The following MCTP1 variants were observed in gnomAD, a reference collection of about 807,000 sequenced individuals.
The protein encoded by MCTP1 is multiple C2 and transmembrane domain-containing protein 1.
Under a neutral mutation model 120.6 loss-of-function variants are expected in MCTP1, and 69 were observed. The ratio of observed to expected loss-of-function variants is 0.57; its 90% CI spans 0.47 to 0.70. The LOEUF (loss-of-function observed/expected upper bound fraction) is 0.70. Among genes scored for constraint, MCTP1 ranks in the 30% least tolerant of loss-of-function variants. MCTP1 has a pLI of 0.00. For missense variants in MCTP1, 1,203 were observed against 1,248.8 expected (o/e 0.96, Z 0.55); for synonymous variants, 529 against 493.1 (o/e 1.07, Z -0.96).
intron 19 of MCTP1, among the ~76,000 whole-genome samples, chr5:94,768,646 C>T (rs774912258): frequency 1.3e-5 from 2 of 152,064 alleles, no homozygotes; most frequent in African/African-American, 2.4e-5. Flanking sequence ...TGCTCAATAT[C>T]ACTAAATACT....
intron 1 of MCTP1, among the ~76,000 whole-genome samples, chr5:95,168,360 G>C (rs1360741293): frequency 8.5e-5 from 13 of 152,166 alleles, no homozygotes; most frequent in Non-Finnish European, 1.8e-4. Flanking sequence ...TTTGGCTTAG[G>C]ATTGACTTGG....
At chr5:94,974,008 T>C (rs1827491963) in intron 2 of MCTP1, among the ~76,000 whole-genome samples, 1 of 152,084 alleles carries the variant, frequency 6.6e-6, no homozygotes, top group Non-Finnish European at 1.5e-5. Flanking sequence ...ATCAAGTACT[T>C]AGCACAGTTC....
At chr5:94,797,025 A>G (rs138751876) in intron 18 of MCTP1, among the ~76,000 whole-genome samples, 5 of 152,216 alleles carry the variant, frequency 3.3e-5, no homozygotes, top group African/African-American at 1.2e-4. Context: ...GTTAGAGGAG[A>G]TGTACTAAAA....
At chr5:94,958,278 G>C (rs1404232872) in intron 2 of MCTP1, among the ~76,000 whole-genome samples, 3 of 152,156 alleles carry the variant, frequency 2.0e-5, no homozygotes, top group Non-Finnish European at 4.4e-5. Context: ...AGTGTGTAGA[G>C]GGAAATTTAT....
intron 17 of MCTP1, chr5:94,826,433 A>G (rs753430881): frequency 1.8e-5 from 12 of 668,672 alleles, no homozygotes; most frequent in Non-Finnish European, 2.5e-5. Context: ...ACAAATGCCA[A>G]TTTGGGTTCT....
chr5:95,131,306 C>G (rs1380249726), intron 1 of MCTP1, among the ~76,000 whole-genome samples: 1 of 152,164 alleles, frequency 6.6e-6, no homozygotes, highest in Non-Finnish European at 1.5e-5. Context: ...GGGAGAAACA[C>G]ATTTGTTAAT....
intron 19 of MCTP1, among the ~76,000 whole-genome samples, chr5:94,777,921 A>AGTGTGT (rs1460355421): frequency 9.7e-5 from 8 of 82,256 alleles, no homozygotes; most frequent in African/African-American, 4.6e-4. Flanking sequence ...GAAGGGAGAA[A>AGTGTGT]GTGTGCGTGT....
At chr5:95,176,322 C>T (rs749100283) in intron 1 of MCTP1, among the ~76,000 whole-genome samples, 18 of 152,080 alleles carry the variant, frequency 1.2e-4, no homozygotes, top group East Asian at 5.8e-4. Flanking sequence ...CCGAGGAGTT[C>T]GAGACTAGCC....
chr5:94,832,374 C>T (rs537462579), intron 17 of MCTP1, among the ~76,000 whole-genome samples: 9 of 152,194 alleles, frequency 5.9e-5, no homozygotes, highest in East Asian at 3.9e-4. Flanking sequence ...AGGTAATCAC[C>T]GCACCTTCCC....
chr5:95,176,104 A>G (rs1247949740), intron 1 of MCTP1, among the ~76,000 whole-genome samples: 6 of 152,178 alleles, frequency 3.9e-5, no homozygotes, highest in African/African-American at 7.2e-5. Context: ...GAGAAAATCA[A>G]ATGAGCTACT....
intron 18 of MCTP1, among the ~76,000 whole-genome samples, chr5:94,796,510 C>T (rs1487606869): frequency 1.3e-5 from 2 of 149,010 alleles, no homozygotes; most frequent in East Asian, 2.0e-4. Context: ...GTCAATGCAT[C>T]GCAGCATGGC....
At chr5:94,898,041 T>C (rs547528740) in intron 10 of MCTP1, among the ~76,000 whole-genome samples, 1 of 152,338 alleles carries the variant, frequency 6.6e-6, no homozygotes, top group East Asian at 1.9e-4. Context: ...ACTATGAAAC[T>C]AATAAATTTA....
chr5:95,158,902 T>C (rs995190129), intron 1 of MCTP1, among the ~76,000 whole-genome samples: 1 of 152,086 alleles, frequency 6.6e-6, no homozygotes, highest in Admixed American at 6.6e-5. Flanking sequence ...GCCTGGGTGA[T>C]AGATCCAGAC....
At chr5:94,805,082 C>A (rs921848960) in intron 17 of MCTP1, among the ~76,000 whole-genome samples, 1 of 152,052 alleles carries the variant, frequency 6.6e-6, no homozygotes. Context: ...TCTTATTATG[C>A]CCCTATATAT....
At chr5:95,028,572 T>G (rs758601488) in intron 1 of MCTP1, among the ~76,000 whole-genome samples, 1 of 152,208 alleles carries the variant, frequency 6.6e-6, no homozygotes, top group Non-Finnish European at 1.5e-5. Flanking sequence ...CTGCTCTGTG[T>G]GGCATTGCTT....
intron 1 of MCTP1, among the ~76,000 whole-genome samples, chr5:95,271,308 C>T (rs913175897): frequency 6.6e-6 from 1 of 152,188 alleles, no homozygotes; most frequent in African/African-American, 2.4e-5. Flanking sequence ...ACTAGGCAGC[C>T]ACCCACGACA....
At chr5:95,251,179 G>C (rs1757349032) in intron 1 of MCTP1, among the ~76,000 whole-genome samples, 1 of 151,956 alleles carries the variant, frequency 6.6e-6, no homozygotes, top group South Asian at 2.1e-4. Context: ...CTATGAGAAG[G>C]GGTTACTTTA....
intron 1 of MCTP1, among the ~76,000 whole-genome samples, chr5:95,149,842 G>A (rs907280058): frequency 9.7e-5 from 12 of 123,556 alleles, no homozygotes; most frequent in Non-Finnish European, 1.8e-4. Context: ...CCTATTCCCA[G>A]GATTGTGCAG....
chr5:94,704,151 G>T lies in MCTP1; in HGVS notation c.*3345C>A, dbSNP rs1442286532. 1.4e-5 allele frequency: 2 copies of T among 147,914 alleles called. No individual in the cohort carries two copies. Among genetic ancestry groups the T allele is most frequent in the Non-Finnish European group, 3.0e-5 (2 of 66,660 alleles). The allele number at this position is 147,914 out of a possible 1,614,324, so 9.2% of individuals were successfully genotyped here. On this transcript the variant is annotated 3_prime_UTR_variant, in exon 23 of 23. Transcript: ENST00000515393. ...ATACTTTACTGAGCAATTAGAAAAG[G>T]CTGATTCTAGATACCCTAATCAAAC...
Sources: gnomAD v4.1 joint callset for allele counts (sites outside exome capture counted in the v4.1 genomes callset) on GRCh38, gnomAD v4.1.1 for gene constraint, MANE v1.5 for transcripts, NCBI Gene and HGNC (gene_info 2026-07-23, HGNC 2026-07-21) for gene names.